Variants in TCERG1 observed in about 807,000 individuals in gnomAD.
The protein encoded by TCERG1 is TATA box binding protein (TBP)-associated factor, RNA polymerase II, S, 150kD.
Under a neutral mutation model 144.7 loss-of-function variants are expected in TCERG1, and 37 were observed. The observed-to-expected ratio is 0.26, with a 90% CI of 0.20 to 0.34. TCERG1 has a LOEUF of 0.34. Among genes scored for constraint, TCERG1 ranks in the 10% least tolerant of loss-of-function variants. TCERG1 has a pLI of 1.00. For missense variants in TCERG1, 1,027 were observed against 1,380.7 expected (o/e 0.74, Z 4.06); for synonymous variants, 492 against 458.2 (o/e 1.07, Z -0.94).
At chr5:146,487,974 A>G (rs553287896) in intron 15 of TCERG1, among the ~76,000 whole-genome samples, 3 of 152,294 alleles carry the variant, frequency 2.0e-5, no homozygotes, top group South Asian at 2.1e-4. Flanking sequence ...TATTTTGACA[A>G]AGGTGCCAAG....
At chr5:146,465,428 CT>C (rs1368883110) in intron 5 of TCERG1, among the ~76,000 whole-genome samples, 4 of 152,088 alleles carry the variant, frequency 2.6e-5, no homozygotes, top group African/African-American at 9.7e-5. Flanking sequence ...AAATGTATTT[CT>C]ATAGAAAGTA....
Position 146,486,503 on chromosome 5 carries a change from C to G in TCERG1, c.2163+2874C>G, listed in dbSNP as rs538635748. Among the ~76,000 whole-genome samples the G allele has an allele frequency of 1.3e-4, 20 of 152,274 alleles. No individual in the cohort carries two copies. In the East Asian group the frequency reaches 2.3e-3, roughly 18 times the overall value. On this transcript the variant is annotated intron_variant, in intron 15 of 22. Coordinates refer to ENST00000679501, the MANE Select transcript of TCERG1 (RefSeq NM_001382548.1). ...GCTACTAGGTTCTGACATAGATAGT[C>G]GTTATGCTATTAACACTTTAAAATA...
intron 15 of TCERG1, among the ~76,000 whole-genome samples, chr5:146,492,366 CATT>C (rs915026885): frequency 7.2e-5 from 11 of 151,986 alleles, no homozygotes; most frequent in African/African-American, 2.7e-4. Flanking sequence ...TTTTCTCAAT[CATT>C]GTTGGGTTAT....
chr5:146,485,158 C>T (rs1343600564), intron 15 of TCERG1, among the ~76,000 whole-genome samples: 2 of 152,128 alleles, frequency 1.3e-5, no homozygotes, highest in African/African-American at 4.8e-5. Flanking sequence ...CCTGATATTA[C>T]TTGAACAAGC....
chr5:146,501,301 A>G (rs1249048921), intron 17 of TCERG1, among the ~76,000 whole-genome samples: 1 of 151,786 alleles, frequency 6.6e-6, no homozygotes, highest in Admixed American at 6.6e-5. Flanking sequence ...GGTAAATGAC[A>G]TTTTTTTGAC....
chr5:146,480,256 T>C (rs964914844), intron 12 of TCERG1, 162 bp downstream of exon 12: 1 of 458,370 alleles, frequency 2.2e-6, no homozygotes, highest in Non-Finnish European at 3.9e-6. Context: ...TTGTAGAAAA[T>C]GTGTCCCTTC....
intron 17 of TCERG1, chr5:146,500,058 G>C (rs1285515509): frequency 2.6e-5 from 4 of 151,850 alleles, no homozygotes; most frequent in Non-Finnish European, 4.4e-5. Flanking sequence ...AAATTAAATA[G>C]ATATGACATC....
intron 17 of TCERG1, among the ~76,000 whole-genome samples, chr5:146,501,853 T>C (rs1054851015): frequency 6.6e-6 from 1 of 151,124 alleles, no homozygotes; most frequent in African/African-American, 2.4e-5. Context: ...TCTTATAACC[T>C]TAAAAGTATT....
rs1201906791 is a variant in TCERG1, at chr5:146,507,207, A to T, written c.2961A>T (p.Ala987=). Residue 987 remains alanine (A), a splice_region_variant and synonymous_variant, in exon 20 of 23, where the codon GCA becomes GCT. Coordinates refer to ENST00000679501, the MANE Select transcript of TCERG1 (RefSeq NM_001382548.1). The surrounding 1 kb of genome is among the most constrained non-coding windows in gnomAD (Gnocchi z 4.6). ...HFRQLLDETS[A]ITLTSTWKEV... ...GGCAACTTCTGGATGAAACTTCTGC[A>T]GTAAGAATCTCTTATTTTTCTCATT... 3.2e-6 allele frequency: 5 copies of T among 1,574,660 alleles called. No homozygotes were observed. The highest frequency in any genetic ancestry group is 3.4e-6 in the Non-Finnish European group (4 of 1,165,640).
At chr5:146,497,712 A>C (rs1440133444) in intron 16 of TCERG1, among the ~76,000 whole-genome samples, 2 of 152,090 alleles carry the variant, frequency 1.3e-5, no homozygotes, top group East Asian at 3.8e-4. Context: ...ATGTTTTGTT[A>C]ATGTGAATCT....
chr5:146,509,492 C>CTT (rs35545475), intron 22 of TCERG1, among the ~76,000 whole-genome samples: 99 of 141,558 alleles, frequency 7.0e-4, no homozygotes, highest in Admixed American at 2.1e-3. Flanking sequence ...GAATACATAC[C>CTT]TTTTTTTTTT....
In TCERG1 at chr5:146,507,295, C is replaced by A; in HGVS notation, c.2961+88C>A. 1.6e-6 allele frequency: 2 copies of A among 1,283,308 alleles called. No homozygotes were observed. The highest frequency in any genetic ancestry group is 2.1e-6 in the Non-Finnish European group (2 of 944,790). The allele number at this position is 1,283,308 out of a possible 1,614,324, so 79.5% of individuals were successfully genotyped here. A position where few individuals can be genotyped will look rare whatever the true frequency, so the allele number is the denominator to read the frequency against. On this transcript the variant is annotated intron_variant, in intron 20 of 22. Transcript: ENST00000679501. This position sits in a 1 kb window ranked among gnomAD's most constrained non-coding sequence, Gnocchi z 4.6. ...AAAGCATTGATATGATTTTTAGTGT[C>A]ATGGTCTTTAGATTCATTACTGGAA...
At chr5:146,463,842 CAGTT>C (rs1234727590) in intron 5 of TCERG1, 49 bp downstream of exon 5, 16 of 1,609,226 alleles carry the variant, frequency 9.9e-6, no homozygotes, top group African/African-American at 4.0e-5. Flanking sequence ...TTCATATTGT[CAGTT>C]AGTTTGTTCT....
chr5:146,481,026 T>A (rs1765324393), intron 12 of TCERG1, 124 bp from the exon 13 acceptor site: 1 of 208,486 alleles, frequency 4.8e-6, no homozygotes, highest in African/African-American at 2.4e-5. Context: ...TTATTATAAA[T>A]GACTGTATTC....
rs77749245 is a variant in TCERG1, at chr5:146,454,919, G to A, written c.60-137G>A. 4.8e-3 allele frequency: 4,252 copies of A among 890,674 alleles called. 137 individuals are homozygous for A. In the African/African-American group the frequency reaches 0.064, roughly 13 times the overall value. 55.2% of individuals were successfully genotyped at this position (890,674 alleles called of 1,614,324 possible). ...GGCCCATTGATGTAGTTTTTATCAT[G>A]ACGGTTGCAAAATGATGACTTTCCA... is the stretch of plus-strand genomic sequence containing the variant. On this transcript the variant is annotated intron_variant, in intron 1 of 22. Transcript: ENST00000679501.
chr5:146,505,628 T>G (rs1767913662), intron 19 of TCERG1: 1 of 152,108 alleles, frequency 6.6e-6, no homozygotes, highest in African/African-American at 2.4e-5. Context: ...AGGGGTACGC[T>G]CAAGTATCTC....
At chr5:146,463,870 C>G in intron 5 of TCERG1, 77 bp downstream of exon 5, 1 of 1,574,720 alleles carries the variant, frequency 6.4e-7, no homozygotes, top group Non-Finnish European at 8.7e-7. Flanking sequence ...GTGTCTGTTG[C>G]GTTTGAAATT....
At chr5:146,454,994 A>C (rs562668689) in intron 1 of TCERG1, 62 bp from the exon 2 acceptor site, 2 of 1,546,746 alleles carry the variant, frequency 1.3e-6, no homozygotes, top group Non-Finnish European at 1.8e-6. Context: ...GTAATTAGAG[A>C]TCAGTAGCTA....
rs958799863 is a variant in TCERG1 at position 146,463,633 on chromosome 5, A to C, written c.975A>C (p.Thr325=). ...PTVSVSTPAP[T]ATPVQTVPQP... ...TTAGTGTTTCAACTCCTGCTCCTAC[A>C]GCCACACCTGTGCAAACCGTTCCCC... Residue 325 remains threonine, a synonymous_variant, in exon 5 of 23, where the codon ACA becomes ACC. Transcript: ENST00000679501. 6.2e-7 allele frequency: 1 copy of C among 1,614,202 alleles called. No homozygotes were observed. Among genetic ancestry groups the C allele is most frequent in the Non-Finnish European group, 8.5e-7 (1 of 1,180,038 alleles).
Sources: gnomAD v4.1 joint callset for allele counts (sites outside exome capture counted in the v4.1 genomes callset) on GRCh38, gnomAD v4.1.1 for gene constraint, Gnocchi (gnomAD v3.1) non-coding constraint, MANE v1.5 for transcripts, NCBI Gene and HGNC (gene_info 2026-07-23, HGNC 2026-07-21) for gene names.